AUH: variants seen among roughly 807,000 people sequenced by gnomAD.
AUH encodes AU RNA binding methylglutaconyl-CoA hydratase.
In AUH, 29 loss-of-function variants were observed where a neutral mutation model predicts 42.3. The ratio of observed to expected loss-of-function variants is 0.69; its 90% CI spans 0.51 to 0.93. The LOEUF is 0.93. Ranked by LOEUF, AUH falls within the 40% of genes least tolerant of loss-of-function variation. The probability of loss-of-function intolerance (pLI) is 0.00; values close to 1 mark genes in which losing one functional copy is unlikely to be tolerated. For synonymous variants in AUH, 174 were observed against 166.4 expected (o/e 1.05, Z -0.35); for missense variants, 452 against 438.1 (o/e 1.03, Z -0.28).
chr9:91,361,719 C>T lies in AUH; in HGVS notation c.171G>A (p.Ala57=), dbSNP rs1419368962. ...CCCTTTTCGGGGCGGGACCCCCGGC[C>T]GCAGGTACCCAGCCCTGGGCCCAGA... ...PAIWAQGWVP[A]AGGPAPKRGY... is the part of the protein sequence containing the mutation. The change falls in exon 1 of 10, where the codon GCG becomes GCA. Residue 57 remains alanine, a synonymous_variant. Coordinates refer to ENST00000375731, the MANE Select transcript of AUH (RefSeq NM_001698.3). The T allele has an allele frequency of 6.4e-7, 1 of 1,550,878 alleles. No individual in the cohort carries two copies. The highest frequency in any genetic ancestry group is 8.7e-7 in the Non-Finnish European group (1 of 1,147,618).
Position 91,214,377 on chromosome 9 carries a change from T to A in AUH, c.991A>T (p.Lys331Ter), listed in dbSNP as rs387906757. 2.1e-5 allele frequency: 34 copies of A among 1,610,532 alleles called. No homozygotes were observed. Among genetic ancestry groups the A allele is most frequent in the Non-Finnish European group, 2.7e-5 (32 of 1,178,424 alleles). The change falls in exon 10 of 10, where the codon AAA becomes TAA. Residue 331 changes from lysine (K) to a stop codon, truncating the protein, a stop_gained. Transcript: ENST00000375731. LOFTEE classifies it high-confidence loss of function. Reference sequence around the variant, plus strand: ...TCTCCTTTATAGCGAGGGGGCCTTTTCTCTTTAAAAGCAAGAAGACCTTCA... The same window carrying A: ...TCTCCTTTATAGCGAGGGGGCCTTTACTCTTTAAAAGCAAGAAGACCTTCA... ...RLEGLLAFKE[K>*]RPPRYKGE
chr9:91,219,198 A>T (rs910646401), intron 7 of AUH, among the ~76,000 whole-genome samples: 3 of 152,176 alleles, frequency 2.0e-5, no homozygotes, highest in African/African-American at 7.2e-5. Context: ...GCATCATGGG[A>T]GAGAGAGCAA....
In AUH at chr9:91,361,632, G is replaced by A. The variant is rs771852941; in HGVS notation, c.258C>T (p.Asn86=). The A allele has an allele frequency of 5.1e-6, 8 of 1,582,086 alleles. No homozygotes were observed. The South Asian group carries it at 7.0e-5, about 14-fold the overall frequency. The part of the protein sequence containing the change: ...ELRVRHLEEE[N]RGIVVLGINR... ...TGCCCAGCGTTCGCACCTCACCTCGGTTCTCCTCCTCCAGGTGCCGCACCC... is the reference window on the plus strand; with the variant it reads ...TGCCCAGCGTTCGCACCTCACCTCGATTCTCCTCCTCCAGGTGCCGCACCC... The change falls in exon 1 of 10, where the codon AAC becomes AAT. Residue 86 remains asparagine, a synonymous_variant. Coordinates refer to ENST00000375731, the MANE Select transcript of AUH (RefSeq NM_001698.3).
intron 3 of AUH, among the ~76,000 whole-genome samples, chr9:91,346,517 T>C (rs1021557568): frequency 6.6e-6 from 1 of 152,174 alleles, no homozygotes; most frequent in Non-Finnish European, 1.5e-5. Context: ...CTGGTAATAG[T>C]AAATAAAGCA....
intron 3 of AUH, among the ~76,000 whole-genome samples, chr9:91,332,737 C>T (rs1830421550): frequency 6.6e-6 from 1 of 152,100 alleles, no homozygotes; most frequent in Non-Finnish European, 1.5e-5. Context: ...ACATATTTAA[C>T]AAGTTCTAAG....
chr9:91,263,507 C>T (rs1207509145), intron 6 of AUH, among the ~76,000 whole-genome samples: 1 of 152,168 alleles, frequency 6.6e-6, no homozygotes, highest in African/African-American at 2.4e-5. Flanking sequence ...AGAGTTCAGA[C>T]AATTATTTAA....
intron 6 of AUH, among the ~76,000 whole-genome samples, chr9:91,248,208 TG>T (rs1364952293): frequency 3.9e-5 from 6 of 152,240 alleles, no homozygotes. Context: ...GTGAGAACTA[TG>T]GATTGAAGTT....
chr9:91,293,163 AAAACAGT>A (rs1827048918), intron 6 of AUH, among the ~76,000 whole-genome samples: 1 of 152,184 alleles, frequency 6.6e-6, no homozygotes, highest in Admixed American at 6.5e-5. Context: ...TCCCTGAGAC[AAAACAGT>A]ATTGAAATTA....
chr9:91,325,789 C>T (rs75775495), intron 3 of AUH, among the ~76,000 whole-genome samples: 8 of 152,220 alleles, frequency 5.3e-5, no homozygotes, highest in African/African-American at 1.9e-4. Context: ...TAAATAATGA[C>T]AAATTGGTGA....
chr9:91,330,402 G>A (rs1830243654), intron 3 of AUH, among the ~76,000 whole-genome samples: 1 of 152,148 alleles, frequency 6.6e-6, no homozygotes, highest in Non-Finnish European at 1.5e-5. Flanking sequence ...TAGATTAAAT[G>A]TTGTTCCAAT....
chr9:91,233,870 G>A (rs7043893), intron 6 of AUH, among the ~76,000 whole-genome samples: 1 of 152,128 alleles, frequency 6.6e-6, no homozygotes, highest in Non-Finnish European at 1.5e-5. Flanking sequence ...ACAAGCATAA[G>A]AACCCTCTTT....
chr9:91,266,235 G>A (rs1021888380), intron 6 of AUH, among the ~76,000 whole-genome samples: 7 of 151,944 alleles, frequency 4.6e-5, no homozygotes, highest in African/African-American at 1.2e-4. Context: ...GGTGGCAGAC[G>A]CCTGTAATCC....
chr9:91,340,456 A>G (rs938045528), intron 3 of AUH, among the ~76,000 whole-genome samples: 2 of 152,134 alleles, frequency 1.3e-5, no homozygotes, highest in African/African-American at 4.8e-5. Context: ...AATATTGACT[A>G]CCTCCATCTC....
At chr9:91,276,853 GTTTTCTTCCCCAAGTAAA>G (rs1825585962) in intron 6 of AUH, among the ~76,000 whole-genome samples, 1 of 152,140 alleles carries the variant, frequency 6.6e-6, no homozygotes, top group African/African-American at 2.4e-5. Flanking sequence ...TTGCCATGTG[GTTTTCTTCCCCAAGTAAA>G]GAATGTGAAA....
At chr9:91,252,728 T>G (rs1274320482) in intron 6 of AUH, among the ~76,000 whole-genome samples, 1 of 152,216 alleles carries the variant, frequency 6.6e-6, no homozygotes, top group Non-Finnish European at 1.5e-5. Context: ...GTGGATATAA[T>G]ACATATTTTG....
chr9:91,325,792 A>G (rs960871391), intron 3 of AUH, among the ~76,000 whole-genome samples: 1 of 152,162 alleles, frequency 6.6e-6, no homozygotes, highest in Non-Finnish European at 1.5e-5. Flanking sequence ...ATAATGACAA[A>G]TTGGTGACAC....
chr9:91,314,790 G>A (rs1033350166), intron 4 of AUH, among the ~76,000 whole-genome samples: 6 of 152,174 alleles, frequency 3.9e-5, no homozygotes, highest in African/African-American at 1.4e-4. Context: ...TCAACCAACA[G>A]CCTGAATGCT....
chr9:91,215,743 T>C (rs1826784601), intron 9 of AUH, among the ~76,000 whole-genome samples: 1 of 152,148 alleles, frequency 6.6e-6, no homozygotes, highest in African/African-American at 2.4e-5. Context: ...CCTCTACCTC[T>C]CTACATTGCA....
At chr9:91,354,612 T>C (rs1158534210) in intron 3 of AUH, among the ~76,000 whole-genome samples, 2 of 152,188 alleles carry the variant, frequency 1.3e-5, no homozygotes, top group Admixed American at 6.5e-5. Flanking sequence ...CCAGTAACTA[T>C]AGTGCAATAA....
Sources: gnomAD v4.1 joint callset for allele counts (sites outside exome capture counted in the v4.1 genomes callset) on GRCh38, gnomAD v4.1.1 for gene constraint, MANE v1.5 for transcripts, NCBI Gene and HGNC (gene_info 2026-07-23, HGNC 2026-07-21) for gene names.